Variants in SMARCA2 observed in about 807,000 individuals in gnomAD.
The protein encoded by SMARCA2 is SWI/SNF-related matrix-associated actin-dependent regulator of chromatin subfamily A member 2.
Under a neutral mutation model 199.8 loss-of-function variants are expected in SMARCA2, and 61 were observed. That is an observed-to-expected ratio of 0.31 (90% CI 0.25 to 0.38). The LOEUF (loss-of-function observed/expected upper bound fraction) is 0.38. Among genes scored for constraint, SMARCA2 ranks in the 10% least tolerant of loss-of-function variants. SMARCA2 has a pLI of 1.00. For synonymous variants in SMARCA2, 935 were observed against 732.0 expected (o/e 1.28, Z -4.48); for missense variants, 1,344 against 2,012.2 (o/e 0.67, Z 6.35).
intron 23 of SMARCA2, among the ~76,000 whole-genome samples, chr9:2,109,939 A>G (rs534561495): frequency 3.3e-4 from 50 of 152,350 alleles, no homozygotes; most frequent in Admixed American, 2.4e-3. Flanking sequence ...TGTTCTTAAA[A>G]TTATTTGTTG....
chr9:2,073,603 G>C lies in SMARCA2; in HGVS notation c.1915G>C (p.Asp639His). 1 of 1,611,462 alleles carries C rather than the reference G, an allele frequency of 6.2e-7. No individual in the cohort carries two copies. Among genetic ancestry groups the C allele is most frequent in the Non-Finnish European group, 8.5e-7 (1 of 1,177,638 alleles). Reference protein sequence around the residue: ...VAPRSDSEESDSDYEEEDEEE... With the variant: ...VAPRSDSEESHSDYEEEDEEE... The stretch of plus-strand genomic sequence containing the variant: ...CCCTAGATCTGACAGTGAAGAGAGT[G>C]ATTCTGATTATGAGGAAGAGGTATG... The change falls in exon 12 of 34, where the codon GAT becomes CAT. Residue 639 changes from aspartate (D) to histidine (H), a missense_variant. Transcript: ENST00000349721.
chr9:2,175,458 A>G (rs1826518617), intron 29 of SMARCA2, among the ~76,000 whole-genome samples: 1 of 152,196 alleles, frequency 6.6e-6, no homozygotes, highest in Non-Finnish European at 1.5e-5. Flanking sequence ...AACATACAAC[A>G]TATTAAAACT....
intron 29 of SMARCA2, among the ~76,000 whole-genome samples, chr9:2,179,535 G>A (rs562144045): frequency 2.8e-4 from 42 of 152,296 alleles, no homozygotes; most frequent in African/African-American, 9.1e-4. Context: ...CTCTGGACTT[G>A]TCTCCTTATG....
chr9:2,059,606 A>C (rs1482517968), intron 8 of SMARCA2, among the ~76,000 whole-genome samples: 1 of 152,220 alleles, frequency 6.6e-6, no homozygotes, highest in African/African-American at 2.4e-5. Flanking sequence ...TTTTGCAATT[A>C]AGTGATGGAA....
chr9:2,073,354 A>C lies in SMARCA2; in HGVS notation c.1877+12A>C, dbSNP rs766615718. 1 of 1,614,048 alleles carries C rather than the reference A, an allele frequency of 6.2e-7. No homozygotes were observed. The highest frequency in any genetic ancestry group is 1.1e-5 in the South Asian group (1 of 91,064). ...GAAATGAATCCTGGGTAAGGCATGAAAGCAGCGTTCATGGTGTTCTTTTAG... is the reference window on the plus strand; with the variant it reads ...GAAATGAATCCTGGGTAAGGCATGACAGCAGCGTTCATGGTGTTCTTTTAG... On this transcript the variant is annotated intron_variant, in intron 11 of 33. Transcript: ENST00000349721.
intron 9 of SMARCA2, among the ~76,000 whole-genome samples, chr9:2,064,590 C>A (rs1563743013): frequency 6.6e-6 from 1 of 152,120 alleles, no homozygotes; most frequent in Non-Finnish European, 1.5e-5. Flanking sequence ...TAATTGGTCA[C>A]CACTTTTTTT....
chr9:2,100,729 C>T (rs947897533), intron 21 of SMARCA2, among the ~76,000 whole-genome samples: 4 of 151,614 alleles, frequency 2.6e-5, no homozygotes, highest in South Asian at 2.1e-4. Context: ...AAGATTTCAC[C>T]GAACTAAGAA....
chr9:2,086,931 A>T lies in SMARCA2; in HGVS notation c.2629A>T (p.Ile877Phe), dbSNP rs750030974. ...LNTHYVAPRRILLTGTPLQNK... is the reference protein window; with the variant it reads ...LNTHYVAPRRFLLTGTPLQNK... ...CACTCACTATGTGGCCCCCAGAAGGATCCTCTTGACTGGGACCCCGCTGCA... is the reference window on the plus strand; with the variant it reads ...CACTCACTATGTGGCCCCCAGAAGGTTCCTCTTGACTGGGACCCCGCTGCA... The change falls in exon 18 of 34, where the codon ATC becomes TTC. Residue 877 changes from isoleucine to phenylalanine, a missense_variant. By Grantham distance (21) the Ile-to-Phe change is conservative (BLOSUM62 0). Around this residue, in one of 18 missense-constraint regions of SMARCA2, gnomAD observed 19 missense variants for 119.6 expected, o/e 0.16. Transcript: ENST00000349721. This position sits in a 1 kb window ranked among gnomAD's most constrained non-coding sequence, Gnocchi z 4.3. The T allele has an allele frequency of 3.1e-6, 5 of 1,614,146 alleles. No homozygotes were observed. Among genetic ancestry groups the T allele is most frequent in the Non-Finnish European group, 4.2e-6 (5 of 1,180,022 alleles).
rs1586701592 is a variant in SMARCA2 at position 2,097,293 on chromosome 9, T to C, written c.2992-92T>C. On this transcript the variant is annotated intron_variant, in intron 20 of 33. Transcript: ENST00000349721. ...GGTGACTGAAAAAACCTATGGTCCTTTGTCCTTTGTATAAGAAGCCCAGTG... is the reference window on the plus strand; with the variant it reads ...GGTGACTGAAAAAACCTATGGTCCTCTGTCCTTTGTATAAGAAGCCCAGTG... The C allele has an allele frequency of 1.1e-5, 9 of 804,926 alleles. No individual in the cohort carries two copies. In the East Asian group the frequency reaches 2.2e-4, roughly 20 times the overall value. The allele number at this position is 804,926 out of a possible 1,614,324, so 49.9% of individuals were successfully genotyped here. A position where few individuals can be genotyped will look rare whatever the true frequency, so the allele number is the denominator to read the frequency against.
chr9:2,049,807 A>AC (rs1820038801), intron 5 of SMARCA2, among the ~76,000 whole-genome samples: 1 of 152,070 alleles, frequency 6.6e-6, no homozygotes, highest in South Asian at 2.1e-4. Context: ...CAAATGAACC[A>AC]TTTTTTTTCT....
intron 27 of SMARCA2, among the ~76,000 whole-genome samples, chr9:2,145,009 A>C (rs1346040485): frequency 6.6e-6 from 1 of 152,226 alleles, no homozygotes; most frequent in Non-Finnish European, 1.5e-5. Flanking sequence ...TAGTAAACTT[A>C]GAGAAACGCG....
Position 2,127,768 on chromosome 9 carries a change from T to G in SMARCA2, c.3981+3831T>G, listed in dbSNP as rs1470524660. 2.0e-5 allele frequency among the ~76,000 whole-genome samples: 3 copies of G among 152,232 alleles called. No individual in the cohort carries two copies. The East Asian group carries it at 5.8e-4, about 29-fold the overall frequency. On this transcript the variant is annotated intron_variant, in intron 27 of 33. Coordinates refer to ENST00000349721, the MANE Select transcript of SMARCA2 (RefSeq NM_003070.5). ...CTGCCTCAGCACACTTAGGTTAAAT[T>G]TAAGTGTTATGGTCACTTTCTTTGC...
At chr9:2,076,356 A>G (rs1231357261) in intron 13 of SMARCA2, 27 bp downstream of exon 13, 1 of 1,294,514 alleles carries the variant, frequency 7.7e-7, no homozygotes, top group Non-Finnish European at 1.1e-6. Context: ...TCCCTTGGAA[A>G]TGCATTGCAT....
At chr9:2,080,411 G>T (rs915683861) in intron 14 of SMARCA2, among the ~76,000 whole-genome samples, 1 of 152,068 alleles carries the variant, frequency 6.6e-6, no homozygotes, top group Non-Finnish European at 1.5e-5. Context: ...TAGCACAAAC[G>T]CAAAATTCAG....
At chr9:2,103,898 T>C in intron 22 of SMARCA2, 105 bp from the exon 23 acceptor site, 1 of 820,262 alleles carries the variant, frequency 1.2e-6, no homozygotes, top group Non-Finnish European at 1.9e-6. Context: ...ACTTATTGAA[T>C]GTTTACAGTG....
At chr9:2,175,111 A>G (rs1369176275) in intron 29 of SMARCA2, among the ~76,000 whole-genome samples, 1 of 151,978 alleles carries the variant, frequency 6.6e-6, no homozygotes, top group African/African-American at 2.4e-5. Context: ...CGGCTGAGGA[A>G]GCTGCGGGTC....
chr9:2,094,483 C>G (rs527548531), intron 19 of SMARCA2, among the ~76,000 whole-genome samples: 1 of 152,306 alleles, frequency 6.6e-6, no homozygotes, highest in East Asian at 1.9e-4. Flanking sequence ...TCCCCAAATG[C>G]ACAAGCATCA....
At chr9:2,071,319 A>G (rs370266802) in intron 10 of SMARCA2, among the ~76,000 whole-genome samples, 2 of 152,304 alleles carry the variant, frequency 1.3e-5, no homozygotes, top group African/African-American at 2.4e-5. Context: ...AACCACTATA[A>G]TCTATCACAA....
In SMARCA2 at chr9:2,123,877, G is replaced by T; in HGVS notation, c.3921G>T (p.Gly1307=). ...AGGAGGAGAAAATATTTGGGAGGGG[G>T]TCCCGCCAGCGCCGTGACGTGGACT... The part of the protein sequence containing the change: ...EEEEEKIFGR[G]SRQRRDVDYS... Residue 1307 remains glycine (G), a synonymous_variant, in exon 27 of 34, where the codon GGG becomes GGT. Coordinates refer to ENST00000349721, the MANE Select transcript of SMARCA2 (RefSeq NM_003070.5). The surrounding 1 kb of genome is among the most constrained non-coding windows in gnomAD (Gnocchi z 4.1). 5 of 1,602,480 alleles carry T rather than the reference G, an allele frequency of 3.1e-6. No individual in the cohort carries two copies. Among genetic ancestry groups the T allele is most frequent in the African/African-American group, 1.3e-5 (1 of 74,914 alleles).
Sources: gnomAD v4.1 joint callset for allele counts (sites outside exome capture counted in the v4.1 genomes callset) on GRCh38, gnomAD v4.1.1 for gene constraint, gnomAD v4.1.1 regional missense constraint, Gnocchi (gnomAD v3.1) non-coding constraint, MANE v1.5 for transcripts, NCBI Gene and HGNC (gene_info 2026-07-23, HGNC 2026-07-21) for gene names.